Variants in NTRK3 observed in about 807,000 individuals in gnomAD.
NTRK3 encodes the protein NT-3 growth factor receptor.
Under a neutral mutation model 91.7 loss-of-function variants are expected in NTRK3, and 24 were observed. The observed-to-expected ratio is 0.26, with a 90% confidence interval of 0.19 to 0.37. The LOEUF is 0.37. Among genes scored for constraint, NTRK3 ranks in the 10% least tolerant of loss-of-function variants. NTRK3 has a pLI of 1.00. For synonymous variants in NTRK3, 483 were observed against 404.0 expected (o/e 1.20, Z -2.34); for missense variants, 880 against 1,068.9 (o/e 0.82, Z 2.46).
Position 88,233,139 on chromosome 15 carries a change from C to T in NTRK3, c.248+22767G>A, listed in dbSNP as rs1358106521. ...TTAATGGGGCAGAGAGAATCTATTTCGGAGCCACCCCAGGCTATTTTCCTC... is the reference window on the plus strand; with the variant it reads ...TTAATGGGGCAGAGAGAATCTATTTTGGAGCCACCCCAGGCTATTTTCCTC... On this transcript the variant is annotated intron_variant, in intron 3 of 18. Transcript: ENST00000394480. This position sits in a 1 kb window ranked among gnomAD's most constrained non-coding sequence, Gnocchi z 4.2. Among the ~76,000 whole-genome samples, 1 of 152,178 alleles carries T rather than the reference C, an allele frequency of 6.6e-6. No individual in the cohort carries two copies. The highest frequency in any genetic ancestry group is 1.9e-4 in the East Asian group (1 of 5,200).
intron 3 of NTRK3, among the ~76,000 whole-genome samples, chr15:88,212,164 C>A (rs555025571): frequency 2.6e-5 from 4 of 152,068 alleles, no homozygotes; most frequent in Admixed American, 1.3e-4. Flanking sequence ...GTCAGGAGAT[C>A]GAGACCATCC....
intron 3 of NTRK3, among the ~76,000 whole-genome samples, chr15:88,246,981 C>T (rs1453915594): frequency 6.6e-6 from 1 of 152,210 alleles, no homozygotes; most frequent in Non-Finnish European, 1.5e-5. Flanking sequence ...CCGTCTCGTG[C>T]GCCACACTGC....
At chr15:88,000,090 G>A (rs187328828) in intron 14 of NTRK3, among the ~76,000 whole-genome samples, 47 of 152,304 alleles carry the variant, frequency 3.1e-4, no homozygotes, top group African/African-American at 1.1e-3. Flanking sequence ...GTGTAGGGGT[G>A]TATATACACT....
chr15:88,015,277 C>T (rs566732588), intron 14 of NTRK3, among the ~76,000 whole-genome samples: 1 of 152,286 alleles, frequency 6.6e-6, no homozygotes, highest in African/African-American at 2.4e-5. Flanking sequence ...GCAAATTCTA[C>T]GAATAAATTC....
At chr15:88,131,440 T>C (rs2041334789) in intron 10 of NTRK3, among the ~76,000 whole-genome samples, 1 of 152,188 alleles carries the variant, frequency 6.6e-6, no homozygotes, top group Admixed American at 6.5e-5. Flanking sequence ...GTCTGTTCTG[T>C]ATTGTTTTGG....
intron 17 of NTRK3, chr15:87,927,596 T>A (rs569019968): frequency 1.3e-5 from 2 of 152,266 alleles, no homozygotes; most frequent in South Asian, 4.2e-4. Flanking sequence ...AGCCCCAAGG[T>A]AATGGTGTTA....
chr15:87,903,959 C>G (rs1411892686), intron 17 of NTRK3, among the ~76,000 whole-genome samples: 1 of 152,152 alleles, frequency 6.6e-6, no homozygotes, highest in Non-Finnish European at 1.5e-5. Context: ...GGAAAACACT[C>G]GCATGCCAAG....
intron 5 of NTRK3, among the ~76,000 whole-genome samples, chr15:88,158,695 T>A (rs1181522997): frequency 2.0e-5 from 3 of 152,226 alleles, no homozygotes; most frequent in Non-Finnish European, 4.4e-5. Context: ...CTAATTACCC[T>A]GAAGCATGTG....
intron 13 of NTRK3, among the ~76,000 whole-genome samples, chr15:88,099,875 C>A (rs1410428312): frequency 6.6e-6 from 1 of 152,098 alleles, no homozygotes; most frequent in African/African-American, 2.4e-5. Flanking sequence ...CATGGACTAG[C>A]CCCACACACA....
intron 15 of NTRK3, among the ~76,000 whole-genome samples, chr15:87,936,689 C>T (rs1036991714): frequency 1.3e-5 from 2 of 152,040 alleles, no homozygotes; most frequent in African/African-American, 2.4e-5. Context: ...CACACACGCA[C>T]GCACACATGC....
At chr15:88,003,141 C>CA (rs1165594570) in intron 14 of NTRK3, among the ~76,000 whole-genome samples, 1 of 152,214 alleles carries the variant, frequency 6.6e-6, no homozygotes, top group Non-Finnish European at 1.5e-5. Context: ...ACAAGGCAAT[C>CA]AAATGCTAGC....
chr15:87,952,079 A>G (rs755237440), intron 14 of NTRK3, among the ~76,000 whole-genome samples: 1 of 152,220 alleles, frequency 6.6e-6, no homozygotes, highest in African/African-American at 2.4e-5. Flanking sequence ...GTCAGCCGAG[A>G]TGGCGCCACC....
intron 13 of NTRK3, among the ~76,000 whole-genome samples, chr15:88,055,609 A>G (rs2045608961): frequency 6.6e-6 from 1 of 152,096 alleles, no homozygotes; most frequent in South Asian, 2.1e-4. Flanking sequence ...ACTCTCTGAC[A>G]TAGATAAGGT....
intron 13 of NTRK3, chr15:88,072,926 C>A: frequency 4.4e-6 from 1 of 227,614 alleles, no homozygotes; most frequent in Non-Finnish European, 8.7e-6. Context: ...GAGAGAAAAA[C>A]CAAGCATTTA....
At chr15:88,029,188 T>C (rs1267412667) in intron 14 of NTRK3, among the ~76,000 whole-genome samples, 3 of 152,210 alleles carry the variant, frequency 2.0e-5, no homozygotes, top group African/African-American at 7.2e-5. Flanking sequence ...TCTGTATACA[T>C]TGCAAACTAG....
intron 3 of NTRK3, among the ~76,000 whole-genome samples, chr15:88,192,078 C>A (rs957152551): frequency 6.6e-6 from 1 of 152,252 alleles, no homozygotes; most frequent in Admixed American, 6.5e-5. Flanking sequence ...ACATTCAGAT[C>A]ATGCAGCAAA....
At chr15:88,068,356 G>A (rs575030543) in intron 13 of NTRK3, among the ~76,000 whole-genome samples, 2 of 152,144 alleles carry the variant, frequency 1.3e-5, no homozygotes, top group Non-Finnish European at 2.9e-5. Context: ...GCTTGAACCC[G>A]GGAGGTGGAG....
At chr15:88,120,721 T>C (rs558569779) in intron 13 of NTRK3, among the ~76,000 whole-genome samples, 1 of 152,338 alleles carries the variant, frequency 6.6e-6, no homozygotes, top group East Asian at 1.9e-4. Flanking sequence ...GGCACAGCAT[T>C]CAAAGTTAAT....
chr15:87,992,248 A>G (rs1438039018), intron 14 of NTRK3, among the ~76,000 whole-genome samples: 2 of 152,152 alleles, frequency 1.3e-5, no homozygotes, highest in African/African-American at 4.8e-5. Context: ...TGGTCTCATC[A>G]TCTACTCCTT....
Sources: gnomAD v4.1 joint callset for allele counts (sites outside exome capture counted in the v4.1 genomes callset) on GRCh38, gnomAD v4.1.1 for gene constraint, Gnocchi (gnomAD v3.1) non-coding constraint, MANE v1.5 for transcripts, NCBI Gene and HGNC (gene_info 2026-07-23, HGNC 2026-07-21) for gene names.